Variants in HEBP1 observed in about 807,000 individuals in gnomAD.
HEBP1 encodes the protein heme-binding protein 1.
A neutral mutation model predicts 20.4 loss-of-function variants in HEBP1; 13 were observed. The observed-to-expected ratio is 0.64, with a 90% CI of 0.42 to 1.01. HEBP1 has a LOEUF of 1.01. Among genes scored for constraint, HEBP1 ranks in the 50% least tolerant of loss-of-function variants. The probability of loss-of-function intolerance (pLI) is 0.00; values close to 1 mark genes in which losing one functional copy is unlikely to be tolerated. For missense variants in HEBP1, 241 were observed against 247.3 expected (o/e 0.97, Z 0.17); for synonymous variants, 92 against 90.7 (o/e 1.01, Z -0.08).
chr12:12,977,468 G>C (rs1864005770), intron 3 of HEBP1: 1 of 152,266 alleles, frequency 6.6e-6, no homozygotes, highest in East Asian at 1.9e-4. Flanking sequence ...CCAGCTACTT[G>C]GGAGGCTGAG....
At chr12:12,990,348 ATT>A (rs56222166) in intron 1 of HEBP1, among the ~76,000 whole-genome samples, 129 of 142,542 alleles carry the variant, frequency 9.0e-4, no homozygotes, top group Admixed American at 2.3e-3. Flanking sequence ...AAAAAAAAAA[ATT>A]TTTTTTTTTT....
chr12:12,976,753 T>G (rs1275606369), intron 3 of HEBP1, among the ~76,000 whole-genome samples: 2 of 152,240 alleles, frequency 1.3e-5, no homozygotes, highest in Non-Finnish European at 2.9e-5. Context: ...GGCTTGATTC[T>G]TCAAATATAT....
intron 1 of HEBP1, among the ~76,000 whole-genome samples, 157 bp downstream of exon 1, chr12:12,999,880 G>C (rs1864333011): frequency 6.6e-6 from 1 of 152,310 alleles, no homozygotes; most frequent in South Asian, 2.1e-4. Flanking sequence ...CAGTCCAAAT[G>C]CTGGGCGGTG....
chr12:12,975,675 T>C (rs905191153), intron 3 of HEBP1, among the ~76,000 whole-genome samples, 196 bp from the exon 4 acceptor site: 2 of 152,148 alleles, frequency 1.3e-5, no homozygotes, highest in Non-Finnish European at 2.9e-5. Flanking sequence ...AAAAAGGAGA[T>C]ATATTTTCTT....
chr12:12,977,759 TC>T (rs1864011133), intron 3 of HEBP1, among the ~76,000 whole-genome samples: 1 of 152,220 alleles, frequency 6.6e-6, no homozygotes, highest in South Asian at 2.1e-4. Context: ...TTTCTTTCTT[TC>T]TTTTTTAACA....
Position 12,996,855 on chromosome 12 carries a change from A to T in HEBP1, c.78+3182T>A, listed in dbSNP as rs183040365. Among the ~76,000 whole-genome samples the T allele has an allele frequency of 1.4e-4, 22 of 152,264 alleles. No homozygotes were observed. The highest frequency in any genetic ancestry group is 2.6e-4 in the Admixed American group (4 of 15,298). ...GAACAGTTTTATAATTGGTTATCTCATTTGAACTTCAAAACAATCTATTAA... is the reference window on the plus strand; with the variant it reads ...GAACAGTTTTATAATTGGTTATCTCTTTTGAACTTCAAAACAATCTATTAA... On this transcript the variant is annotated intron_variant, in intron 1 of 3. Transcript: ENST00000014930. The surrounding 1 kb of genome is among the most constrained non-coding windows in gnomAD (Gnocchi z 4.1).
At chr12:12,982,370 T>A (rs1418393776) in intron 3 of HEBP1, among the ~76,000 whole-genome samples, 1 of 152,212 alleles carries the variant, frequency 6.6e-6, no homozygotes, top group Admixed American at 6.5e-5. Flanking sequence ...AGCAGGGTGC[T>A]AAGACTGAAA....
chr12:12,994,182 C>T (rs1032980405), intron 1 of HEBP1, among the ~76,000 whole-genome samples: 3 of 151,934 alleles, frequency 2.0e-5, no homozygotes, highest in Non-Finnish European at 4.4e-5. Flanking sequence ...TAAGAGTAAA[C>T]GAGGAGGGGT....
In HEBP1 at chr12:12,975,157, T is replaced by G. The variant is rs966721230; in HGVS notation, c.*151A>C. On this transcript the variant is annotated 3_prime_UTR_variant, in exon 4 of 4. Coordinates refer to ENST00000014930, the MANE Select transcript of HEBP1 (RefSeq NM_015987.5). ...AAGAGACTTAGTATATGGAACATGC[T>G]TTTTTCAGAAAATTGGCAGTAACTG... is the stretch of plus-strand genomic sequence containing the variant. 1.5e-6 allele frequency: 1 copy of G among 675,110 alleles called. No individual in the cohort carries two copies. Among genetic ancestry groups the G allele is most frequent in the African/African-American group, 1.8e-5 (1 of 54,672 alleles). 41.8% of individuals were successfully genotyped at this position (675,110 alleles called of 1,614,324 possible).
At chr12:12,995,606 GA>G (rs1864279975) in intron 1 of HEBP1, among the ~76,000 whole-genome samples, 1 of 152,168 alleles carries the variant, frequency 6.6e-6, no homozygotes, top group Admixed American at 6.5e-5. Context: ...CCACTCATTT[GA>G]ACCACGGGAC....
intron 3 of HEBP1, among the ~76,000 whole-genome samples, chr12:12,977,194 A>G (rs796784798): frequency 3.3e-5 from 5 of 152,178 alleles, no homozygotes; most frequent in African/African-American, 1.2e-4. Context: ...AATTTCTCAA[A>G]TCTTCAGGTT....
Position 12,998,273 on chromosome 12 carries a change from A to G in HEBP1, c.78+1764T>C, listed in dbSNP as rs1350005158. 6.6e-6 allele frequency among the ~76,000 whole-genome samples: 1 copy of G among 152,186 alleles called. No homozygotes were observed. The highest frequency in any genetic ancestry group is 1.5e-5 in the Non-Finnish European group (1 of 68,030). On this transcript the variant is annotated intron_variant, in intron 1 of 3. Transcript: ENST00000014930. The surrounding 1 kb of genome is among the most constrained non-coding windows in gnomAD (Gnocchi z 4.2). ...GTTTTAATCTTTTATCCCATTGCCT[A>G]GAAGAGTGCCTGGCACATAGCACTC... is the stretch of plus-strand genomic sequence containing the variant.
chr12:12,983,488 A>T, intron 3 of HEBP1: 1 of 308,284 alleles, frequency 3.2e-6, no homozygotes, highest in South Asian at 2.6e-5. Context: ...TTGTCATTGA[A>T]TGCACTCACT....
intron 2 of HEBP1, among the ~76,000 whole-genome samples, chr12:12,988,827 T>C (rs850921): frequency 0.74 from 112,454 of 152,046 alleles, 45,444 homozygotes; most frequent in East Asian, 0.98. Context: ...GTCTGGAACC[T>C]CACTGCTCAC....
chr12:12,976,374 C>T (rs755367678), intron 3 of HEBP1, among the ~76,000 whole-genome samples: 15 of 152,176 alleles, frequency 9.9e-5, no homozygotes, highest in Non-Finnish European at 1.6e-4. Context: ...CTCTCCCTTA[C>T]GTCATGTGCT....
chr12:12,988,857 G>C (rs1335064302), intron 2 of HEBP1, among the ~76,000 whole-genome samples: 2 of 152,196 alleles, frequency 1.3e-5, no homozygotes, highest in Non-Finnish European at 2.9e-5. Flanking sequence ...GGACCCAGCA[G>C]AATCTGAGCT....
chr12:12,980,059 T>G (rs150453523), intron 3 of HEBP1: 1 of 152,342 alleles, frequency 6.6e-6, no homozygotes, highest in African/African-American at 2.4e-5. Flanking sequence ...CCATTCAACT[T>G]CGAAACTTTA....
intron 1 of HEBP1, among the ~76,000 whole-genome samples, chr12:12,994,230 A>G (rs1349839038): frequency 6.6e-6 from 1 of 152,184 alleles, no homozygotes; most frequent in Non-Finnish European, 1.5e-5. Flanking sequence ...AAATATTACA[A>G]ATAGTTGTGG....
At position 12,996,650 on chromosome 12, in the gene HEBP1, TAA is replaced by T. The variant is rs35369213; in HGVS notation, c.78+3385_78+3386del. Among the ~76,000 whole-genome samples the T allele has an allele frequency of 2.6e-4, 39 of 150,654 alleles. No individual in the cohort carries two copies. The highest frequency in any genetic ancestry group is 3.9e-4 in the African/African-American group (16 of 40,728). On this transcript the variant is annotated intron_variant, in intron 1 of 3. Coordinates refer to ENST00000014930, the MANE Select transcript of HEBP1 (RefSeq NM_015987.5). The surrounding 1 kb of genome is among the most constrained non-coding windows in gnomAD (Gnocchi z 4.1). ...AATAATACCTTTATGTTTGTATATT[TAA>T]AAAAAAAAAGGTTTACAAGTATCTA... is the stretch of plus-strand genomic sequence containing the variant.
Sources: allele counts gnomAD v4.1 joint callset (sites outside exome capture counted in the v4.1 genomes callset), GRCh38; gene constraint gnomAD v4.1.1; non-coding constraint Gnocchi (gnomAD v3.1); transcripts MANE v1.5; gene names NCBI Gene and HGNC (gene_info 2026-07-23, HGNC 2026-07-21).